MAPKBP1: variants seen among roughly 807,000 people sequenced by gnomAD.
MAPKBP1 encodes mitogen-activated protein kinase binding protein 1, also known as mitogen-activated protein kinase-binding protein 1.
A neutral mutation model predicts 170.5 loss-of-function variants in MAPKBP1; 71 were observed. The observed-to-expected ratio is 0.42, with a 90% CI of 0.34 to 0.51. MAPKBP1 has a LOEUF of 0.51. MAPKBP1 is among the 20% of genes least tolerant of loss of function. The pLI is 0.06. For missense variants in MAPKBP1, 1,598 were observed against 1,933.0 expected, an observed-to-expected ratio of 0.83 and a Z score of 3.25; for synonymous variants, 719 against 757.9, an observed-to-expected ratio of 0.95 and a Z score of 0.84.
intron 3 of MAPKBP1, among the ~76,000 whole-genome samples, chr15:41,810,344 G>C (rs1213812592): frequency 6.6e-6 from 1 of 152,064 alleles, no homozygotes; most frequent in Non-Finnish European, 1.5e-5. Flanking sequence ...CAGGCTTCCA[G>C]GGAACCCTTT....
chr15:41,797,028 C>T (rs2064503268), intron 2 of MAPKBP1, among the ~76,000 whole-genome samples: 1 of 152,162 alleles, frequency 6.6e-6, no homozygotes, highest in African/African-American at 2.4e-5. Context: ...TATACTGGCT[C>T]ATGATATAAA....
intron 3 of MAPKBP1, among the ~76,000 whole-genome samples, chr15:41,806,699 T>C (rs2064702368): frequency 6.6e-6 from 1 of 152,204 alleles, no homozygotes; most frequent in Non-Finnish European, 1.5e-5. Context: ...CTCAGCTGAT[T>C]GGTCCAACCC....
chr15:41,799,326 T>C (rs1175165350), intron 2 of MAPKBP1, among the ~76,000 whole-genome samples: 1 of 152,112 alleles, frequency 6.6e-6, no homozygotes, highest in Non-Finnish European at 1.5e-5. Flanking sequence ...GGGAAGAACA[T>C]GATAGAATGC....
intron 21 of MAPKBP1, 57 bp from the exon 22 acceptor site, chr15:41,819,538 G>A: frequency 6.6e-7 from 1 of 1,515,504 alleles, no homozygotes. Context: ...GGGCTCCAGG[G>A]TTGGGTGGCG....
chr15:41,814,766 G>A, intron 10 of MAPKBP1, 27 bp downstream of exon 10: 1 of 1,611,512 alleles, frequency 6.2e-7, no homozygotes, highest in Non-Finnish European at 8.5e-7. Context: ...GCTGGCTGGA[G>A]ACTGGCCAGG....
Position 41,814,633 on chromosome 15 carries a change from G to C in MAPKBP1, c.1064G>C (p.Cys355Ser). The C allele has an allele frequency of 3.7e-6, 6 of 1,614,206 alleles. No homozygotes were observed. Among genetic ancestry groups the C allele is most frequent in the Non-Finnish European group, 5.1e-6 (6 of 1,180,034 alleles). Residue 355 changes from cysteine (C) to serine (S), a missense_variant, in exon 10 of 31, where the codon TGT (cysteine) becomes TCT (serine). Physicochemically the swap from Cys to Ser is moderately radical, Grantham distance 112. Transcript: ENST00000457542. The part of the protein sequence containing the change: ...TFDPTNQWLS[C>S]VYNDHSIYVW... ...GATCCTACTAATCAGTGGCTGTCTT[G>C]TGTGTACAACGATCATAGCATTTAT... is the stretch of plus-strand genomic sequence containing the variant.
chr15:41,801,155 G>C (rs1228873124), intron 3 of MAPKBP1, among the ~76,000 whole-genome samples: 1 of 152,246 alleles, frequency 6.6e-6, no homozygotes, highest in East Asian at 1.9e-4. Context: ...TCAGTTGATG[G>C]ACATTTGGGT....
intron 2 of MAPKBP1, among the ~76,000 whole-genome samples, chr15:41,785,343 T>C (rs1367498755): frequency 2.6e-5 from 4 of 152,200 alleles, no homozygotes; most frequent in Non-Finnish European, 4.4e-5. Context: ...AAAGGAAGGC[T>C]TAGCAGAAAT....
At position 41,799,887 on chromosome 15, in the gene MAPKBP1, G is replaced by C. The variant is rs774015304; in HGVS notation, c.179G>C (p.Arg60Pro). 6.2e-7 allele frequency: 1 copy of C among 1,614,116 alleles called. No individual in the cohort carries two copies. Among genetic ancestry groups the C allele is most frequent in the Non-Finnish European group, 8.5e-7 (1 of 1,180,000 alleles). ...SGGRGLACDP[R>P]SGLVAYPAGC... ...GGCAGAGGACTTGCCTGTGACCCCC[G>C]ATCAGGTTTAGTTGCTTACCCAGCA... The change falls in exon 3 of 31, where the codon CGA becomes CCA. Residue 60 changes from arginine (R) to proline (P), a missense_variant. Transcript: ENST00000457542.
At chr15:41,779,311 A>G (rs957786619) in intron 2 of MAPKBP1, among the ~76,000 whole-genome samples, 2 of 152,182 alleles carry the variant, frequency 1.3e-5, no homozygotes, top group Non-Finnish European at 1.5e-5. Context: ...CCCGGGTTCA[A>G]GCGATTCTCC....
intron 12 of MAPKBP1, chr15:41,816,282 G>C: frequency 2.2e-6 from 1 of 462,558 alleles, no homozygotes. Context: ...GGACATAGTA[G>C]GAAAACTGGT....
intron 6 of MAPKBP1, 64 bp downstream of exon 6, chr15:41,812,191 G>A (rs1381197752): frequency 6.3e-7 from 1 of 1,585,070 alleles, no homozygotes; most frequent in African/African-American, 1.3e-5. Context: ...GGGGAGGCAA[G>A]AGACTGCTGA....
At chr15:41,800,699 AC>A (rs1170297372) in intron 3 of MAPKBP1, among the ~76,000 whole-genome samples, 1 of 149,180 alleles carries the variant, frequency 6.7e-6, no homozygotes, top group African/African-American at 2.5e-5. Context: ...CTAGGCAACC[AC>A]TGTCTCCATT....
intron 7 of MAPKBP1, 21 bp downstream of exon 7, chr15:41,812,674 G>T: frequency 6.4e-7 from 1 of 1,572,856 alleles, no homozygotes; most frequent in Non-Finnish European, 8.6e-7. Context: ...GAAGCTGGGA[G>T]TAGCCACCAA....
intron 3 of MAPKBP1, among the ~76,000 whole-genome samples, chr15:41,801,774 C>G (rs1216790672): frequency 6.6e-6 from 1 of 152,024 alleles, no homozygotes. Context: ...CACTTGAACC[C>G]AGGAGGTGGA....
intron 2 of MAPKBP1, among the ~76,000 whole-genome samples, chr15:41,787,661 C>A (rs183914840): frequency 3.0e-4 from 46 of 152,126 alleles, no homozygotes; most frequent in Non-Finnish European, 6.3e-4. Context: ...CCACCACGCC[C>A]GGCCGCGAAC....
Position 41,806,257 on chromosome 15 carries a change from G to A in MAPKBP1, c.207-4626G>A, listed in dbSNP as rs965322892. On this transcript the variant is annotated intron_variant, in intron 3 of 30. Transcript: ENST00000457542. ...AAACAGTAGAAGCGGTAGCAGTGAC[G>A]GAGGTAGGGTTGTAATGATAAATAG... Among the ~76,000 whole-genome samples, 4 of 152,312 alleles carry A rather than the reference G, an allele frequency of 2.6e-5. No individual in the cohort carries two copies. The South Asian group carries it at 8.3e-4, about 32-fold the overall frequency.
intron 2 of MAPKBP1, among the ~76,000 whole-genome samples, chr15:41,785,089 A>C (rs1199982029): frequency 6.6e-6 from 1 of 152,192 alleles, no homozygotes; most frequent in Non-Finnish European, 1.5e-5. Flanking sequence ...AAATAACTTC[A>C]CAGCTATAAG....
In MAPKBP1 at chr15:41,817,292, G is replaced by A; in HGVS notation, c.1712-96G>A. 1 of 1,364,610 alleles carries A rather than the reference G, an allele frequency of 7.3e-7. No homozygotes were observed. Among genetic ancestry groups the A allele is most frequent in the South Asian group, 1.2e-5 (1 of 84,846 alleles). 84.5% of individuals were successfully genotyped at this position (1,364,610 alleles called of 1,614,324 possible). On this transcript the variant is annotated intron_variant, in intron 14 of 30. Coordinates refer to ENST00000457542, the MANE Select transcript of MAPKBP1 (RefSeq NM_014994.3). This position sits in a 1 kb window ranked among gnomAD's most constrained non-coding sequence, Gnocchi z 4.2. ...TAGTTGGTTTTCCCTGGCATGTAGA[G>A]TAGCTTGATGGGGGATCTCATGGAG...
Sources: gnomAD v4.1 joint callset for allele counts (sites outside exome capture counted in the v4.1 genomes callset) on GRCh38, gnomAD v4.1.1 for gene constraint, Gnocchi (gnomAD v3.1) non-coding constraint, MANE v1.5 for transcripts, NCBI Gene and HGNC (gene_info 2026-07-23, HGNC 2026-07-21) for gene names.